CHD9: variants seen among roughly 807,000 people sequenced by gnomAD.
CHD9 encodes the protein chromodomain helicase DNA binding protein 9.
In CHD9, 77 loss-of-function variants were observed where a neutral mutation model predicts 316.1. That is an observed-to-expected ratio of 0.24 (90% CI 0.20 to 0.29). The LOEUF (loss-of-function observed/expected upper bound fraction) is 0.29. Among genes scored for constraint, CHD9 ranks in the 10% least tolerant of loss-of-function variants. CHD9 has a pLI of 1.00. For synonymous variants in CHD9, 1,129 were observed against 1,158.3 expected, an observed-to-expected ratio of 0.97 and a Z score of 0.51; for missense variants, 2,763 against 3,438.1, an observed-to-expected ratio of 0.80 and a Z score of 4.91.
At chr16:53,235,164 A>G (rs1380606764) in intron 10 of CHD9, 21 bp from the exon 11 acceptor site, 32 of 1,546,954 alleles carry the variant, frequency 2.1e-5, no homozygotes, top group Non-Finnish European at 2.7e-5. Context: ...AACACCATTC[A>G]TTCTTTGTTT....
At chr16:53,096,963 T>C (rs577143161) in intron 1 of CHD9, among the ~76,000 whole-genome samples, 3 of 151,860 alleles carry the variant, frequency 2.0e-5, no homozygotes, top group Non-Finnish European at 2.9e-5. Context: ...AGTGGATTAA[T>C]CCACTCATGG....
chr16:53,275,818 A>C (rs1369174707), intron 24 of CHD9, among the ~76,000 whole-genome samples: 13 of 152,204 alleles, frequency 8.5e-5, no homozygotes. Context: ...AAGAAGGTTT[A>C]TGGTGACTGA....
chr16:53,163,010 A>G (rs564245081), intron 2 of CHD9, among the ~76,000 whole-genome samples: 72 of 151,896 alleles, frequency 4.7e-4, no homozygotes, highest in Non-Finnish European at 8.8e-4. Context: ...GCCTCCAGCA[A>G]TCCTCCCACC....
chr16:53,072,139 G>A (rs2034117051), intron 1 of CHD9, among the ~76,000 whole-genome samples: 1 of 151,952 alleles, frequency 6.6e-6, no homozygotes, highest in Admixed American at 6.6e-5. Flanking sequence ...TACTCTCCCT[G>A]CTGAAGTCTG....
At chr16:53,206,927 T>G (rs191700528) in intron 2 of CHD9, among the ~76,000 whole-genome samples, 2 of 152,336 alleles carry the variant, frequency 1.3e-5, no homozygotes, top group Admixed American at 6.5e-5. Flanking sequence ...GTAAGTGTTA[T>G]CTCATTATTG....
chr16:53,187,042 T>A (rs1300529672), intron 2 of CHD9, among the ~76,000 whole-genome samples: 1 of 152,186 alleles, frequency 6.6e-6, no homozygotes, highest in Non-Finnish European at 1.5e-5. Context: ...TATGCCAGAT[T>A]AAACGAGTTT....
intron 34 of CHD9, among the ~76,000 whole-genome samples, 180 bp from the exon 35 acceptor site, chr16:53,314,197 A>C (rs566769648): frequency 6.6e-5 from 10 of 152,300 alleles, no homozygotes; most frequent in Non-Finnish European, 1.5e-4. Context: ...AAAGAGGCCT[A>C]GGTTGTAATT....
At chr16:53,067,508 C>G (rs963152714) in intron 1 of CHD9, among the ~76,000 whole-genome samples, 1 of 151,996 alleles carries the variant, frequency 6.6e-6, no homozygotes, top group Non-Finnish European at 1.5e-5. Context: ...GTTGTGTGTC[C>G]TTAGTCTCCC....
At chr16:53,227,500 T>A (rs1472731712) in intron 6 of CHD9, 36 bp downstream of exon 6, 1 of 1,482,778 alleles carries the variant, frequency 6.7e-7, no homozygotes, top group African/African-American at 1.4e-5. Context: ...CACTTCATAT[T>A]CTGTGGCCTG....
chr16:53,080,885 G>A (rs1167826369), intron 1 of CHD9, among the ~76,000 whole-genome samples: 1 of 152,096 alleles, frequency 6.6e-6, no homozygotes, highest in Non-Finnish European at 1.5e-5. Flanking sequence ...TAACATGCCC[G>A]GCTCTGGGGA....
At chr16:53,069,322 A>G (rs72797642) in intron 1 of CHD9, among the ~76,000 whole-genome samples, 4,241 of 152,246 alleles carry the variant, frequency 0.028, 62 homozygotes, top group Middle Eastern at 0.037. Context: ...CTTTAGTTCA[A>G]TGCATTAAGT....
intron 2 of CHD9, among the ~76,000 whole-genome samples, chr16:53,173,526 T>C (rs2042909535): frequency 6.6e-6 from 1 of 152,042 alleles, no homozygotes; most frequent in South Asian, 2.1e-4. Context: ...TTTCTTTTGC[T>C]TTGTACTTAA....
Position 53,314,715 on chromosome 16 carries a change from A to C in CHD9, c.7363-108A>C, listed in dbSNP as rs960108275. ...TTTTAAGTTTAAAAGATTTAGCAGA[A>C]TTTTTAGCAACAACTTATTTTTTCT... On this transcript the variant is annotated intron_variant, in intron 35 of 38. Coordinates refer to ENST00000447540, the MANE Select transcript of CHD9 (RefSeq NM_001308319.2). 9 of 1,092,368 alleles carry C rather than the reference A, an allele frequency of 8.2e-6. No homozygotes were observed. In the Middle Eastern group the frequency reaches 9.0e-4, roughly 109 times the overall value. 67.7% of individuals were successfully genotyped at this position (1,092,368 alleles called of 1,614,324 possible). A position where few individuals can be genotyped will look rare whatever the true frequency, so the allele number is the denominator to read the frequency against.
Position 53,324,517 on chromosome 16 carries a change from T to C in CHD9, c.8316T>C (p.Ser2772=). The part of the protein sequence containing the change: ...SENGGENSVS[S]SPSTSSTAAL... ...ATGGTGGAGAAAACTCTGTGTCAAG[T>C]TCTCCTTCCACATCCTCTACTGCTG... The change falls in exon 39 of 39, where the codon AGT becomes AGC. Residue 2772 remains serine, a synonymous_variant. Coordinates refer to ENST00000447540, the MANE Select transcript of CHD9 (RefSeq NM_001308319.2). The C allele has an allele frequency of 6.2e-7, 1 of 1,613,896 alleles. No individual in the cohort carries two copies. The highest frequency in any genetic ancestry group is 8.5e-7 in the Non-Finnish European group (1 of 1,179,852).
rs775817068 is a variant in CHD9, at chr16:53,324,300, C to G, written c.8099C>G (p.Ser2700Cys). 2.8e-5 allele frequency: 45 copies of G among 1,613,874 alleles called. No individual in the cohort carries two copies. Among genetic ancestry groups the G allele is most frequent in the Non-Finnish European group, 3.5e-5 (41 of 1,179,884 alleles). Reference sequence around the variant, plus strand: ...ATGGGAATGCCTACCGGCCTTCCTTCTGGAGGAGAAGCTAAAAACATGGCT... The same window carrying G: ...ATGGGAATGCCTACCGGCCTTCCTTGTGGAGGAGAAGCTAAAAACATGGCT... ...GLMGMPTGLP[S>C]GGEAKNMAAM... Residue 2700 changes from serine (S) to cysteine (C), a missense_variant, in exon 39 of 39, where the codon TCT (serine) becomes TGT (cysteine). This residue lies in a region of CHD9 where 298 missense variants were observed against 380.2 expected (regional missense o/e 0.78). Transcript: ENST00000447540.
intron 2 of CHD9, among the ~76,000 whole-genome samples, chr16:53,197,503 G>T (rs966771774): frequency 6.6e-6 from 1 of 152,032 alleles, no homozygotes; most frequent in Non-Finnish European, 1.5e-5. Context: ...TTTATATCAG[G>T]ACTCTATTAT....
At chr16:53,290,869 T>G (rs992309297) in intron 27 of CHD9, among the ~76,000 whole-genome samples, 1 of 152,200 alleles carries the variant, frequency 6.6e-6, no homozygotes, top group African/African-American at 2.4e-5. Flanking sequence ...TTAAAAAATT[T>G]AGAAACAAGG....
chr16:53,179,078 AG>A (rs1308438332), intron 2 of CHD9, among the ~76,000 whole-genome samples: 49 of 152,348 alleles, frequency 3.2e-4, no homozygotes, highest in African/African-American at 1.1e-3. Flanking sequence ...TGAATCACTT[AG>A]AGTCAATAGT....
chr16:53,148,324 C>G (rs2040810200), intron 1 of CHD9, among the ~76,000 whole-genome samples: 1 of 152,222 alleles, frequency 6.6e-6, no homozygotes, highest in East Asian at 1.9e-4. Flanking sequence ...TCACTGCAGC[C>G]TTGGCCTCCT....
Sources: allele counts gnomAD v4.1 joint callset (sites outside exome capture counted in the v4.1 genomes callset), GRCh38; gene constraint gnomAD v4.1.1; regional missense constraint gnomAD v4.1.1; transcripts MANE v1.5; gene names NCBI Gene and HGNC (gene_info 2026-07-23, HGNC 2026-07-21).